Variants in ERCC6L2 observed in about 807,000 individuals in gnomAD.
ERCC6L2 encodes DNA excision repair protein ERCC-6-like 2.
ERCC6L2 carries 77 observed loss-of-function variants against 132.0 expected under a neutral mutation model. That is an observed-to-expected ratio of 0.58 (90% CI 0.49 to 0.71). The LOEUF is 0.71. ERCC6L2 is among the 30% of genes least tolerant of loss of function. The probability of loss-of-function intolerance (pLI) is 0.00; values close to 1 mark genes in which losing one functional copy is unlikely to be tolerated. For synonymous variants in ERCC6L2, 583 were observed against 632.4 expected (o/e 0.92, Z 1.17); for missense variants, 1,542 against 1,837.6 (o/e 0.84, Z 2.94).
chr9:96,004,075 T>C (rs1012907830), intron 17 of ERCC6L2, among the ~76,000 whole-genome samples: 1 of 152,242 alleles, frequency 6.6e-6, no homozygotes, highest in Admixed American at 6.5e-5. Flanking sequence ...GATTTATTTA[T>C]TTAATTATTA....
chr9:95,928,816 AAG>A lies in ERCC6L2; in HGVS notation c.1706_1707del (p.Glu569ValfsTer8). 6.2e-7 allele frequency: 1 copy of A among 1,612,818 alleles called. No individual in the cohort carries two copies. The highest frequency in any genetic ancestry group is 1.1e-5 in the South Asian group (1 of 90,922). On this transcript the variant is annotated frameshift_variant, in exon 11 of 19. Coordinates refer to ENST00000653738, the MANE Select transcript of ERCC6L2 (RefSeq NM_020207.7). LOFTEE classifies it high-confidence loss of function. ...TCAGAGGAAAGACTCAAGATTGTAA[AAG>A]AGTTCAACAGTACACAAGATGTTAA...
chr9:96,035,900 A>T (rs1220736849), intron 19 of ERCC6L2, among the ~76,000 whole-genome samples: 1 of 152,206 alleles, frequency 6.6e-6, no homozygotes, highest in Non-Finnish European at 1.5e-5. Flanking sequence ...CAGGGCAGTG[A>T]GTCTGGAAGC....
chr9:95,890,207 A>G (rs1828086419), intron 2 of ERCC6L2, among the ~76,000 whole-genome samples: 1 of 152,148 alleles, frequency 6.6e-6, no homozygotes, highest in South Asian at 2.1e-4. Context: ...CTTGGTATTG[A>G]GTAGGTAATA....
In ERCC6L2 at chr9:95,922,355, A is replaced by G. The variant is rs371892712; in HGVS notation, c.1350A>G (p.Thr450=). The part of the protein sequence containing the change: ...TVKTLYLSYL[T]VLQKVANHVA... ...AAACCTTGTATCTCAGTTACCTTAC[A>G]GTCCTTCAGAAGGTAGCTAACCATG... The change falls in exon 8 of 19, where the codon ACA becomes ACG. Residue 450 remains threonine (T), a synonymous_variant. Transcript: ENST00000653738. 14 of 1,613,478 alleles carry G rather than the reference A, an allele frequency of 8.7e-6. No individual in the cohort carries two copies. In the African/African-American group the frequency reaches 1.5e-4, roughly 17 times the overall value.
intron 6 of ERCC6L2, among the ~76,000 whole-genome samples, chr9:95,920,543 CTGTG>C (rs984897908): frequency 6.6e-6 from 1 of 152,088 alleles, no homozygotes; most frequent in Admixed American, 6.5e-5. Context: ...GGACTTTTGA[CTGTG>C]TGGGGAGTTA....
chr9:95,954,706 A>G, intron 12 of ERCC6L2: 2 of 464,318 alleles, frequency 4.3e-6, no homozygotes, highest in South Asian at 1.6e-5. Context: ...ATTTTCTTAG[A>G]TCCATTTCTG....
intron 6 of ERCC6L2, among the ~76,000 whole-genome samples, chr9:95,920,113 T>C (rs1829791483): frequency 6.6e-6 from 1 of 152,168 alleles, no homozygotes; most frequent in African/African-American, 2.4e-5. Context: ...TATAGAAACA[T>C]TTTTTTAGAG....
chr9:95,890,685 T>G (rs1019735166), intron 2 of ERCC6L2, among the ~76,000 whole-genome samples: 1 of 152,220 alleles, frequency 6.6e-6, no homozygotes, highest in African/African-American at 2.4e-5. Flanking sequence ...TTTTGTTTTT[T>G]GAGACAGTGT....
chr9:96,029,174 C>T (rs1402212053), intron 19 of ERCC6L2, among the ~76,000 whole-genome samples: 1 of 151,584 alleles, frequency 6.6e-6, no homozygotes, highest in Non-Finnish European at 1.5e-5. Context: ...CGTGGTGGCA[C>T]GTGACTGTAA....
Position 96,012,718 on chromosome 9 carries a change from G to GA in ERCC6L2, c.4171dup (p.Thr1391AsnfsTer3), listed in dbSNP as rs776852055. The GA allele has an allele frequency of 7.3e-7, 1 of 1,367,596 alleles. No individual in the cohort carries two copies. The highest frequency in any genetic ancestry group is 9.8e-7 in the Non-Finnish European group (1 of 1,021,848). 84.7% of individuals were successfully genotyped at this position (1,367,596 alleles called of 1,614,324 possible). A position where few individuals can be genotyped will look rare whatever the true frequency, so the allele number is the denominator to read the frequency against. ...ATCCCGTTCTCTGAACAGTGAGTCT[G>GA]AAACACGTGAGAGAAGGTTAGAAAA... On this transcript the variant is annotated frameshift_variant, in exon 19 of 19. Coordinates refer to ENST00000653738, the MANE Select transcript of ERCC6L2 (RefSeq NM_020207.7). LOFTEE classifies it low-confidence loss of function (END_TRUNC).
chr9:95,951,897 C>T (rs149329625), intron 12 of ERCC6L2, among the ~76,000 whole-genome samples: 15 of 151,936 alleles, frequency 9.9e-5, no homozygotes, highest in African/African-American at 2.4e-4. Context: ...CAGCCAGGCA[C>T]GGTGGCTCAC....
chr9:95,879,593 T>C (rs1359014223), intron 1 of ERCC6L2, among the ~76,000 whole-genome samples: 1 of 152,208 alleles, frequency 6.6e-6, no homozygotes, highest in Non-Finnish European at 1.5e-5. Flanking sequence ...TCTTTTAGAA[T>C]GGTGTAACAG....
chr9:95,967,942 A>T (rs1228769955), intron 14 of ERCC6L2: 1 of 152,150 alleles, frequency 6.6e-6, no homozygotes, highest in Non-Finnish European at 1.5e-5. Context: ...AAATATTAGC[A>T]TTTTATTATT....
chr9:95,952,166 TAAAAAA>T (rs57310402), intron 12 of ERCC6L2, among the ~76,000 whole-genome samples: 3 of 57,738 alleles, frequency 5.2e-5, no homozygotes, highest in African/African-American at 1.0e-4. Flanking sequence ...GACTCCATCT[TAAAAAA>T]AAAAAAAAAA....
At chr9:95,877,315 A>G (rs1289049267) in intron 1 of ERCC6L2, among the ~76,000 whole-genome samples, 2 of 151,324 alleles carry the variant, frequency 1.3e-5, no homozygotes, top group East Asian at 1.9e-4. Flanking sequence ...AAATACTCCA[A>G]TAAGTTGTGT....
At chr9:95,958,851 C>G (rs1373700958) in intron 13 of ERCC6L2, among the ~76,000 whole-genome samples, 1 of 151,982 alleles carries the variant, frequency 6.6e-6, no homozygotes. Flanking sequence ...AGGAGAACTG[C>G]AAACCACTGC....
chr9:95,963,844 A>G (rs1179852668), intron 13 of ERCC6L2, among the ~76,000 whole-genome samples: 1 of 152,150 alleles, frequency 6.6e-6, no homozygotes. Flanking sequence ...ATTGGCAGGA[A>G]TACCACAGAC....
intron 3 of ERCC6L2, among the ~76,000 whole-genome samples, chr9:95,903,838 G>T (rs1828898661): frequency 6.6e-6 from 1 of 151,818 alleles, no homozygotes; most frequent in East Asian, 1.9e-4. Context: ...TGGAATCTTT[G>T]CTAGAAAACT....
chr9:95,902,996 T>TG lies in ERCC6L2; in HGVS notation c.595-4080dup, dbSNP rs1463565352. Reference sequence around the variant, plus strand: ...AAAATGTTTATGTGGTTACATGTATTGGTCTGTATAGTTTCTGGGTTTTAT... The same window carrying TG: ...AAAATGTTTATGTGGTTACATGTATTGGGTCTGTATAGTTTCTGGGTTTTAT... On this transcript the variant is annotated intron_variant, in intron 3 of 18. Transcript: ENST00000653738. Among the ~76,000 whole-genome samples the TG allele has an allele frequency of 2.0e-5, 3 of 152,120 alleles. No individual in the cohort carries two copies. The East Asian group carries it at 5.8e-4, about 29-fold the overall frequency.
Sources: gnomAD v4.1 joint callset for allele counts (sites outside exome capture counted in the v4.1 genomes callset) on GRCh38, gnomAD v4.1.1 for gene constraint, MANE v1.5 for transcripts, NCBI Gene and HGNC (gene_info 2026-07-23, HGNC 2026-07-21) for gene names.